KANSL3: variants seen among roughly 807,000 people sequenced by gnomAD.
KANSL3 encodes NSL complex protein NSL3.
KANSL3 carries 16 observed loss-of-function variants against 89.2 expected under a neutral mutation model. That is an observed-to-expected ratio of 0.18 (90% CI 0.12 to 0.27). KANSL3 has a LOEUF of 0.27. Ranked by LOEUF, KANSL3 falls within the 10% of genes least tolerant of loss-of-function variation. KANSL3 has a pLI of 1.00. For missense variants in KANSL3, 879 were observed against 1,110.6 expected (o/e 0.79, Z 2.96); for synonymous variants, 385 against 419.7 (o/e 0.92, Z 1.01).
At chr2:96,625,321 C>T (rs992866823) in intron 3 of KANSL3, among the ~76,000 whole-genome samples, 2 of 152,216 alleles carry the variant, frequency 1.3e-5, no homozygotes, top group African/African-American at 4.8e-5. Flanking sequence ...TGCAGCCTTA[C>T]CTCTAGCAAT....
chr2:96,633,393 A>C (rs1157627479), intron 2 of KANSL3, among the ~76,000 whole-genome samples: 7 of 152,032 alleles, frequency 4.6e-5, no homozygotes, highest in Non-Finnish European at 2.9e-5. Context: ...AACATGGTAA[A>C]ACCCCATCTC....
rs1260683837 is a variant in KANSL3, at chr2:96,625,697, C to T, written c.386+5615G>A. On this transcript the variant is annotated intron_variant, in intron 3 of 20. Transcript: ENST00000431828. ...AACCACAACGTTGAGAGTCCAAAAT[C>T]CCAGAAAAAGTTCTTAGGATTGCTG... 5.9e-5 allele frequency among the ~76,000 whole-genome samples: 9 copies of T among 152,198 alleles called. 1 individual carries two copies. The South Asian group carries it at 1.9e-3, about 32-fold the overall frequency.
chr2:96,593,520 C>T lies in KANSL3; in HGVS notation c.*2091G>A. 2.8e-6 allele frequency: 1 copy of T among 357,344 alleles called. No individual in the cohort carries two copies. Among genetic ancestry groups the T allele is most frequent in the South Asian group, 2.1e-5 (1 of 47,472 alleles). 22.1% of individuals were successfully genotyped at this position (357,344 alleles called of 1,614,324 possible). A position where few individuals can be genotyped will look rare whatever the true frequency, so the allele number is the denominator to read the frequency against. On this transcript the variant is annotated 3_prime_UTR_variant, in exon 21 of 21. Transcript: ENST00000431828. ...GGAAAACGTGACTCTAGGCCTCAGC[C>T]ACTTCCTCTGTTACCCTGTGCAAGT...
At chr2:96,631,606 T>G in intron 2 of KANSL3, 124 bp from the exon 3 acceptor site, 3 of 1,173,508 alleles carry the variant, frequency 2.6e-6, no homozygotes, top group Non-Finnish European at 3.7e-6. Flanking sequence ...GCACATTATA[T>G]TCACAAGAAA....
chr2:96,638,151 G>C (rs1193709462), intron 1 of KANSL3, 132 bp downstream of exon 1: 1 of 101,182 alleles, frequency 9.9e-6, no homozygotes, highest in African/African-American at 3.8e-5. Context: ...GACCAGCACC[G>C]GCAGCCGGCC....
intron 14 of KANSL3, among the ~76,000 whole-genome samples, chr2:96,607,650 TA>T (rs2068210161): frequency 1.3e-5 from 2 of 152,204 alleles, no homozygotes; most frequent in African/African-American, 4.8e-5. Context: ...TACTCCTTGT[TA>T]GTACTACTCT....
chr2:96,605,664 A>G (rs2067870720), intron 14 of KANSL3, 153 bp from the exon 15 acceptor site: 3 of 604,124 alleles, frequency 5.0e-6, no homozygotes, highest in Admixed American at 3.0e-5. Flanking sequence ...GAGACTGCCC[A>G]TGCTTCAGGA....
chr2:96,621,547 G>T (rs1449018256), intron 3 of KANSL3, among the ~76,000 whole-genome samples: 1 of 151,838 alleles, frequency 6.6e-6, no homozygotes, highest in African/African-American at 2.4e-5. Flanking sequence ...TTTAAGCCAG[G>T]CGTGGTAGCA....
chr2:96,615,894 A>G lies in KANSL3; in HGVS notation c.664-2275T>C, dbSNP rs79164760. ...GGGGGACAGGAATAGGGAAAGACCG[A>G]TAACTGCCATGAAAGAAACAGAAGC... On this transcript the variant is annotated intron_variant, in intron 5 of 20. Transcript: ENST00000431828. Among the ~76,000 whole-genome samples the G allele has an allele frequency of 2.6e-5, 4 of 152,224 alleles. No homozygotes were observed. In the South Asian group the frequency reaches 6.2e-4, roughly 24 times the overall value.
At chr2:96,622,047 G>A (rs1412510846) in intron 3 of KANSL3, among the ~76,000 whole-genome samples, 2 of 151,814 alleles carry the variant, frequency 1.3e-5, no homozygotes, top group Non-Finnish European at 2.9e-5. Context: ...CTGGGAGGCG[G>A]AGGTTGCAGT....
chr2:96,633,433 G>A (rs2073769696), intron 2 of KANSL3, among the ~76,000 whole-genome samples: 1 of 151,966 alleles, frequency 6.6e-6, no homozygotes, highest in African/African-American at 2.4e-5. Context: ...TTAGGGTGTG[G>A]TGGCACGTGC....
intron 8 of KANSL3, 48 bp from the exon 9 acceptor site, chr2:96,612,401 G>A: frequency 6.2e-7 from 1 of 1,602,856 alleles, no homozygotes; most frequent in Non-Finnish European, 8.5e-7. Flanking sequence ...CCAAAGATAG[G>A]TGCAGAACAA....
At chr2:96,621,855 C>T (rs2071343802) in intron 3 of KANSL3, among the ~76,000 whole-genome samples, 1 of 152,144 alleles carries the variant, frequency 6.6e-6, no homozygotes, top group Admixed American at 6.5e-5. Context: ...GTGGCTCACG[C>T]CTGTAATCCC....
intron 20 of KANSL3, chr2:96,598,095 A>T (rs1011410756): frequency 1.1e-5 from 11 of 985,294 alleles, no homozygotes; most frequent in Non-Finnish European, 1.2e-5. Context: ...CACAGGAGGA[A>T]GGGATCACGT....
At chr2:96,635,112 C>A (rs1347132983) in intron 2 of KANSL3, among the ~76,000 whole-genome samples, 1 of 152,200 alleles carries the variant, frequency 6.6e-6, no homozygotes, top group African/African-American at 2.4e-5. Flanking sequence ...TGGCAGCCTG[C>A]AGCTGGTCTT....
At chr2:96,619,185 C>T (rs960195321) in intron 5 of KANSL3, among the ~76,000 whole-genome samples, 174 bp downstream of exon 5, 1 of 152,212 alleles carries the variant, frequency 6.6e-6, no homozygotes, top group Non-Finnish European at 1.5e-5. Flanking sequence ...AAAACGTTTA[C>T]ACCAGACACA....
rs1295123628 is a variant in KANSL3 at position 96,617,558 on chromosome 2, A to T, written c.663+1801T>A. Among the ~76,000 whole-genome samples, 11 of 139,430 alleles carry T rather than the reference A, an allele frequency of 7.9e-5. No homozygotes were observed. The East Asian group carries it at 1.0e-3, about 13-fold the overall frequency. The allele number at this position is 139,430 out of a possible 152,430, so 91.5% of individuals were successfully genotyped here. A position where few individuals can be genotyped will look rare whatever the true frequency, so the allele number is the denominator to read the frequency against. ...CTGTGAAGCAGAAAGTAAAACTATT[A>T]AAAAAAAAAAAAAAAGTGTCAAAAA... On this transcript the variant is annotated intron_variant, in intron 5 of 20. Transcript: ENST00000431828.
intron 3 of KANSL3, chr2:96,628,758 T>C (rs993519537): frequency 9.6e-6 from 1 of 104,264 alleles, no homozygotes; most frequent in Non-Finnish European, 1.8e-5. Context: ...ATCATAACCA[T>C]GGATAAACTG....
At chr2:96,585,357 A>C in the KANSL3 span, among the ~76,000 whole-genome samples, 4 of 152,218 alleles carry the variant, frequency 2.6e-5, no homozygotes, top group Non-Finnish European at 4.4e-5. Flanking sequence ...GCAAATGGCT[A>C]ACAAATATAT....
Sources: gnomAD v4.1 joint callset for allele counts (sites outside exome capture counted in the v4.1 genomes callset) on GRCh38, gnomAD v4.1.1 for gene constraint, MANE v1.5 for transcripts, NCBI Gene and HGNC (gene_info 2026-07-23, HGNC 2026-07-21) for gene names.